The following IFI27 variants were observed in gnomAD, a reference collection of about 807,000 sequenced individuals.
The protein encoded by IFI27 is interferon alpha-inducible protein 27, mitochondrial.
IFI27 carries 3 observed loss-of-function variants against 8.9 expected under a neutral mutation model. The observed-to-expected ratio is 0.34, with a 90% CI of 0.15 to 0.87. The LOEUF (loss-of-function observed/expected upper bound fraction) is 0.87, where lower values mean the gene tolerates loss of function less well. IFI27 is among the 40% of genes least tolerant of loss of function. The pLI is 0.51. For missense variants in IFI27, 152 were observed against 157.7 expected (o/e 0.96, Z 0.19); for synonymous variants, 66 against 67.3 (o/e 0.98, Z 0.09).
rs1887183616 is a variant in IFI27 at position 94,111,536 on chromosome 14, C to T, written c.-58-89C>T. 1 of 673,040 alleles carries T rather than the reference C, an allele frequency of 1.5e-6. No homozygotes were observed. Among genetic ancestry groups the T allele is most frequent in the Middle Eastern group, 2.4e-4 (1 of 4,136 alleles). The allele number at this position is 673,040 out of a possible 1,614,324, so 41.7% of individuals were successfully genotyped here. ...ACAAGCTCAGAGCAGCCTCCCTAGC[C>T]CCCTGGAGCCCGTCACATTTTTCAG... On this transcript the variant is annotated intron_variant, in intron 1 of 4. Transcript: ENST00000621160. This position sits in a 1 kb window ranked among gnomAD's most constrained non-coding sequence, Gnocchi z 4.3.
Position 94,116,013 on chromosome 14 carries a change from A to G in IFI27, c.283+71A>G. 2.1e-6 allele frequency: 3 copies of G among 1,396,068 alleles called. No individual in the cohort carries two copies. Among genetic ancestry groups the G allele is most frequent in the Non-Finnish European group, 2.0e-6 (2 of 1,011,134 alleles). 86.5% of individuals were successfully genotyped at this position (1,396,068 alleles called of 1,614,324 possible). On this transcript the variant is annotated intron_variant, in intron 4 of 4. Transcript: ENST00000621160. The surrounding 1 kb of genome is among the most constrained non-coding windows in gnomAD (Gnocchi z 4.3). ...AAGAGCCTCCAAGGACCCAGTCCCA[A>G]TCTCAACCCTATGAACCTCAATCTC...
chr14:94,114,873 TGGA>T (rs1317031697), exon 3 of IFI27: 2 of 1,614,036 alleles, frequency 1.2e-6, no homozygotes, highest in Non-Finnish European at 1.7e-6. Flanking sequence ...CAGTTGTGAT[TGGA>T]GGAGGTGAGT....
In IFI27 at chr14:94,111,554, T is replaced by C. The variant is rs988893299; in HGVS notation, c.-58-71T>C. The C allele has an allele frequency of 9.4e-6, 7 of 741,356 alleles. No homozygotes were observed. In the African/African-American group the frequency reaches 1.0e-4, roughly 11 times the overall value. 45.9% of individuals were successfully genotyped at this position (741,356 alleles called of 1,614,324 possible). On this transcript the variant is annotated intron_variant, in intron 1 of 4. Coordinates refer to ENST00000621160, the Ensembl canonical transcript of IFI27. This position sits in a 1 kb window ranked among gnomAD's most constrained non-coding sequence, Gnocchi z 4.3. ...CCCTAGCCCCCTGGAGCCCGTCACA[T>C]TTTTCAGGACAGTGGGAAGCAAGTC...
rs1887408597 is a variant in IFI27 at position 94,116,306 on chromosome 14, C to T, written c.284-136C>T. The stretch of plus-strand genomic sequence containing the variant: ...CAAAGACCCCGAGGGTACTGGGAAA[C>T]AGAGAGGGGAACTGGGTGGGGTCTG... On this transcript the variant is annotated intron_variant, in intron 4 of 4. Coordinates refer to ENST00000621160, the Ensembl canonical transcript of IFI27. The surrounding 1 kb of genome is among the most constrained non-coding windows in gnomAD (Gnocchi z 4.3). 2 of 679,740 alleles carry T rather than the reference C, an allele frequency of 2.9e-6. No individual in the cohort carries two copies. Among genetic ancestry groups the T allele is most frequent in the Admixed American group, 4.5e-5 (2 of 44,428 alleles). The allele number at this position is 679,740 out of a possible 1,614,324, so 42.1% of individuals were successfully genotyped here.
At chr14:94,107,491 T>A (rs1042274955), upstream of IFI27, among the ~76,000 whole-genome samples, 3 of 152,210 alleles carry the variant, frequency 2.0e-5, no homozygotes, top group Non-Finnish European at 4.4e-5. Flanking sequence ...TCCCCTATGT[T>A]TTCTTCTAGG....
intron 2 of IFI27, 41 bp from the exon 3 acceptor site, chr14:94,114,810 C>G: frequency 6.2e-7 from 1 of 1,611,838 alleles, no homozygotes; most frequent in South Asian, 1.1e-5. Context: ...GGAGGGGAAG[C>G]CAGTGTGGAT....
chr14:94,113,736 C>G (rs1248310882), intron 2 of IFI27: 1 of 152,252 alleles, frequency 6.6e-6, no homozygotes. Flanking sequence ...ACCTCTCTTG[C>G]CTGCCAATAA....
upstream of IFI27, chr14:94,110,619 T>C (rs1887141857): frequency 6.6e-6 from 1 of 152,210 alleles, no homozygotes; most frequent in Non-Finnish European, 1.5e-5. Context: ...GGGAGAAAGA[T>C]GTCTGCAGTT....
chr14:94,107,219 A>G (rs1887028933), upstream of IFI27, among the ~76,000 whole-genome samples: 1 of 152,046 alleles, frequency 6.6e-6, no homozygotes, highest in Admixed American at 6.6e-5. Flanking sequence ...ACAGGCACAC[A>G]CCACCACGCC....
rs745793637 is a variant in IFI27, at chr14:94,111,196, G to A, written c.-59+399G>A. ...GCTCCCTCATCTGTAACATGCGGAG[G>A]AGGAGGGTCCCATCTTTTTCACGTT... is the stretch of plus-strand genomic sequence containing the variant. On this transcript the variant is annotated intron_variant, in intron 1 of 4. Transcript: ENST00000621160. This position sits in a 1 kb window ranked among gnomAD's most constrained non-coding sequence, Gnocchi z 4.3. Among the ~76,000 whole-genome samples, 3 of 152,230 alleles carry A rather than the reference G, an allele frequency of 2.0e-5. No homozygotes were observed. The highest frequency in any genetic ancestry group is 4.4e-5 in the Non-Finnish European group (3 of 68,046).
chr14:94,114,846 T>C lies in IFI27; in HGVS notation c.92-5T>C. 6.2e-7 allele frequency: 1 copy of C among 1,613,890 alleles called. No individual in the cohort carries two copies. Among genetic ancestry groups the C allele is most frequent in the Non-Finnish European group, 8.5e-7 (1 of 1,179,910 alleles). ...CTACTCACAGAATGTTCTTTTGGTT[T>C]CCAGCCAGGATTGCTACAGTTGTGA... is the stretch of plus-strand genomic sequence containing the variant. On this transcript the variant is annotated splice_polypyrimidine_tract_variant and splice_region_variant and intron_variant, in intron 2 of 4. Coordinates refer to ENST00000621160, the Ensembl canonical transcript of IFI27.
At chr14:94,115,440 C>T (rs1475336007) in intron 3 of IFI27, 1 of 580,110 alleles carries the variant, frequency 1.7e-6, no homozygotes, top group Non-Finnish European at 3.2e-6. Flanking sequence ...GATTTGCTCC[C>T]CAGCAAAGAT....
intron 2 of IFI27, chr14:94,112,172 G>A (rs749278426): frequency 2.1e-5 from 4 of 193,822 alleles, no homozygotes; most frequent in African/African-American, 4.7e-5. Context: ...CCAGAGTATC[G>A]ATTTTAACAA....
intron 2 of IFI27, among the ~76,000 whole-genome samples, chr14:94,112,620 C>A (rs1887234425): frequency 6.6e-6 from 1 of 152,242 alleles, no homozygotes; most frequent in Non-Finnish European, 1.5e-5. Flanking sequence ...GGGCCCCTGA[C>A]TCCGACCCTG....
At chr14:94,115,472 C>G (rs1887354248) in intron 3 of IFI27, 1 of 610,398 alleles carries the variant, frequency 1.6e-6, no homozygotes, top group Non-Finnish European at 3.0e-6. Flanking sequence ...CAACCACTCC[C>G]CTGGTCCAGC....
intron 2 of IFI27, 193 bp from the exon 3 acceptor site, chr14:94,114,658 C>T: frequency 1.6e-6 from 1 of 619,966 alleles, no homozygotes; most frequent in Non-Finnish European, 2.9e-6. Context: ...AGGTCAAACT[C>T]CCCAGTGATC....
chr14:94,116,077 T>A lies in IFI27; in HGVS notation c.283+135T>A. The A allele has an allele frequency of 9.9e-7, 1 of 1,010,754 alleles. No individual in the cohort carries two copies. The highest frequency in any genetic ancestry group is 1.5e-6 in the Non-Finnish European group (1 of 666,190). 62.6% of individuals were successfully genotyped at this position (1,010,754 alleles called of 1,614,324 possible). A position where few individuals can be genotyped will look rare whatever the true frequency, so the allele number is the denominator to read the frequency against. The stretch of plus-strand genomic sequence containing the variant: ...CTCTCTCTACACATTCTCTCAGGGT[T>A]TCTCTGAGGGAGATGGAGGAGGGAG... On this transcript the variant is annotated intron_variant, in intron 4 of 4. Coordinates refer to ENST00000621160, the Ensembl canonical transcript of IFI27. The surrounding 1 kb of genome is among the most constrained non-coding windows in gnomAD (Gnocchi z 4.3).
At position 94,116,451 on chromosome 14, in the gene IFI27, G is replaced by T. The variant is rs781174528; in HGVS notation, c.293G>T (p.Gly98Val). ...CTCTGCTTCTTCCCAGGAGCAACTGGACTCTCCGGATTGACCAAGTTCATC... is the reference window on the plus strand; with the variant it reads ...CTCTGCTTCTTCCCAGGAGCAACTGTACTCTCCGGATTGACCAAGTTCATC... The change falls in exon 5 of 5, where the codon GGA becomes GTA. Residue 98 changes from glycine (G) to valine (V), a missense_variant. By Grantham distance (109) the Gly-to-Val change is moderately radical (BLOSUM62 -3). Transcript: ENST00000621160. The surrounding 1 kb of genome is among the most constrained non-coding windows in gnomAD (Gnocchi z 4.3). 1 of 1,612,240 alleles carries T rather than the reference G, an allele frequency of 6.2e-7. No homozygotes were observed. Among genetic ancestry groups the T allele is most frequent in the Non-Finnish European group, 8.5e-7 (1 of 1,179,182 alleles).
chr14:94,110,521 A>G (rs1168175107), upstream of IFI27, among the ~76,000 whole-genome samples: 1 of 152,236 alleles, frequency 6.6e-6, no homozygotes, highest in Admixed American at 6.5e-5. Context: ...TAAATGACAA[A>G]GCATTTTATA....
Sources: gnomAD v4.1 joint callset for allele counts (sites outside exome capture counted in the v4.1 genomes callset) on GRCh38, gnomAD v4.1.1 for gene constraint, Gnocchi (gnomAD v3.1) non-coding constraint, MANE v1.5 for transcripts, NCBI Gene and HGNC (gene_info 2026-07-23, HGNC 2026-07-21) for gene names.